Variants in PCDHGA11 observed in about 807,000 individuals in gnomAD.
PCDHGA11 encodes the protein protocadherin gamma subfamily A, 11.
In PCDHGA11, 39 loss-of-function variants were observed where a neutral mutation model predicts 60.4. That is an observed-to-expected ratio of 0.65 (90% CI 0.50 to 0.84). The LOEUF (loss-of-function observed/expected upper bound fraction) is 0.84, where lower values mean the gene tolerates loss of function less well. Among genes scored for constraint, PCDHGA11 ranks in the 40% least tolerant of loss-of-function variants. PCDHGA11 has a pLI of 0.00. For synonymous variants in PCDHGA11, 533 were observed against 510.3 expected, an observed-to-expected ratio of 1.04 and a Z score of -0.60; for missense variants, 1,165 against 1,197.7, an observed-to-expected ratio of 0.97 and a Z score of 0.40.
intron 2 of PCDHGA11, among the ~76,000 whole-genome samples, chr5:141,498,956 A>G (rs547381859): frequency 2.4e-5 from 3 of 124,058 alleles, no homozygotes; most frequent in African/African-American, 6.3e-5. Context: ...AAAAAGAGAG[A>G]GAGGGAGGGA....
At chr5:141,509,275 G>A (rs185255724) in intron 3 of PCDHGA11, among the ~76,000 whole-genome samples, 1 of 152,096 alleles carries the variant, frequency 6.6e-6, no homozygotes, top group East Asian at 1.9e-4. Flanking sequence ...CTCGCTACCC[G>A]CTCCCAGGGT....
rs1482322150 is a variant in PCDHGA11, at chr5:141,485,119, C to T, written c.2434-9688C>T. On this transcript the variant is annotated intron_variant, in intron 1 of 3. Transcript: ENST00000398587. This position sits in a 1 kb window ranked among gnomAD's most constrained non-coding sequence, Gnocchi z 5.7. ...CTCCAGCTGCTGTGGCTGTTTGGGGCGGGTCGGCTTCATCCGCGTCTCAGG... is the reference window on the plus strand; with the variant it reads ...CTCCAGCTGCTGTGGCTGTTTGGGGTGGGTCGGCTTCATCCGCGTCTCAGG... 9.8e-6 allele frequency: 13 copies of T among 1,328,806 alleles called. No individual in the cohort carries two copies. The East Asian group carries it at 1.8e-4, about 19-fold the overall frequency. 82.3% of individuals were successfully genotyped at this position (1,328,806 alleles called of 1,614,324 possible). A position where few individuals can be genotyped will look rare whatever the true frequency, so the allele number is the denominator to read the frequency against.
chr5:141,437,820 C>T (rs973577605), intron 1 of PCDHGA11, among the ~76,000 whole-genome samples: 4 of 151,904 alleles, frequency 2.6e-5, no homozygotes, highest in Non-Finnish European at 5.9e-5. Flanking sequence ...TCACTGCAAC[C>T]TCTGCCTCCT....
Position 141,486,785 on chromosome 5 carries a change from C to G in PCDHGA11, c.2434-8022C>G, listed in dbSNP as rs763174232. The G allele has an allele frequency of 2.8e-5, 45 of 1,614,102 alleles. No homozygotes were observed. The highest frequency in any genetic ancestry group is 3.6e-5 in the Non-Finnish European group (42 of 1,180,050). On this transcript the variant is annotated intron_variant, in intron 1 of 3. Coordinates refer to ENST00000398587, the MANE Select transcript of PCDHGA11 (RefSeq NM_018914.3). The surrounding 1 kb of genome is among the most constrained non-coding windows in gnomAD (Gnocchi z 5.0). ...GACACTGCAGTTTGAGGTGCAGGCC[C>G]GGGATCGGGGCAACCCACCCCTTAG... is the stretch of plus-strand genomic sequence containing the variant.
rs781367282 is a variant in PCDHGA11 at position 141,485,525 on chromosome 5, C to G, written c.2434-9282C>G. On this transcript the variant is annotated intron_variant, in intron 1 of 3. Transcript: ENST00000398587. This position sits in a 1 kb window ranked among gnomAD's most constrained non-coding sequence, Gnocchi z 5.7. ...CACCGAAGGTCCTTTGGAAATGTAC[C>G]GAGCAGAGGTAGAGATCGTAGATGT... is the stretch of plus-strand genomic sequence containing the variant. 5 of 1,614,122 alleles carry G rather than the reference C, an allele frequency of 3.1e-6. No homozygotes were observed. The highest frequency in any genetic ancestry group is 2.5e-6 in the Non-Finnish European group (3 of 1,180,022).
chr5:141,486,444 T>G lies in PCDHGA11; in HGVS notation c.2434-8363T>G. 1 of 1,614,086 alleles carries G rather than the reference T, an allele frequency of 6.2e-7. No homozygotes were observed. Among genetic ancestry groups the G allele is most frequent in the Non-Finnish European group, 8.5e-7 (1 of 1,179,930 alleles). ...GAGGCCAAATCTAGCTATGACATCA[T>G]GGTCACTGCTTCTGATGCTGGGAAC... On this transcript the variant is annotated intron_variant, in intron 1 of 3. Coordinates refer to ENST00000398587, the MANE Select transcript of PCDHGA11 (RefSeq NM_018914.3). The surrounding 1 kb of genome is among the most constrained non-coding windows in gnomAD (Gnocchi z 5.0).
chr5:141,490,942 C>A lies in PCDHGA11; in HGVS notation c.2434-3865C>A, dbSNP rs371286343. On this transcript the variant is annotated intron_variant, in intron 1 of 3. Coordinates refer to ENST00000398587, the MANE Select transcript of PCDHGA11 (RefSeq NM_018914.3). This position sits in a 1 kb window ranked among gnomAD's most constrained non-coding sequence, Gnocchi z 5.4. ...TAATGCCCCAGCTGTGCTGCACCCA[C>A]GGCCAGACTGGGAACACTCAGCCCC... The A allele has an allele frequency of 3.0e-5, 49 of 1,613,526 alleles. No individual in the cohort carries two copies. The highest frequency in any genetic ancestry group is 4.1e-5 in the Non-Finnish European group (48 of 1,179,768).
chr5:141,479,269 A>C (rs1279389471), intron 1 of PCDHGA11: 1 of 152,374 alleles, frequency 6.6e-6, no homozygotes, highest in Non-Finnish European at 1.5e-5. Context: ...TAAAAGTAAT[A>C]ATTTATTTCA....
chr5:141,497,829 C>T (rs754594104), intron 2 of PCDHGA11, among the ~76,000 whole-genome samples: 147 of 152,160 alleles, frequency 9.7e-4, no homozygotes, highest in Non-Finnish European at 1.8e-3. Flanking sequence ...TGTGATCGCC[C>T]CCGGCCACAA....
intron 1 of PCDHGA11, chr5:141,430,781 C>A: frequency 6.6e-7 from 1 of 1,510,922 alleles, no homozygotes; most frequent in Non-Finnish European, 8.8e-7. Context: ...GCGACTGCAC[C>A]GGGACTACAA....
intron 2 of PCDHGA11, among the ~76,000 whole-genome samples, chr5:141,495,811 G>A (rs1164360438): frequency 1.3e-5 from 2 of 151,710 alleles, no homozygotes; most frequent in Admixed American, 1.3e-4. Flanking sequence ...GTTTCCTAGC[G>A]CCTTGTGTTC....
chr5:141,453,288 A>G (rs931678565), intron 1 of PCDHGA11, among the ~76,000 whole-genome samples: 1 of 151,342 alleles, frequency 6.6e-6, no homozygotes, highest in Non-Finnish European at 1.5e-5. Context: ...TAATTTTTTA[A>G]TTATTTATTT....
chr5:141,494,251 G>C (rs961451413), intron 1 of PCDHGA11, among the ~76,000 whole-genome samples: 2 of 152,214 alleles, frequency 1.3e-5, no homozygotes, highest in African/African-American at 4.8e-5. Context: ...TTAGCTGTGG[G>C]AAGAGATTCT....
rs1214853229 is a variant in PCDHGA11 at position 141,432,238 on chromosome 5, GAA to G, written c.2433+8579_2433+8580del. ...CCCAGATCACTTATTCCCTGGCTGA[GAA>G]CACCATCCAAGGGGCAAGCCTATCG... On this transcript the variant is annotated intron_variant, in intron 1 of 3. Coordinates refer to ENST00000398587, the MANE Select transcript of PCDHGA11 (RefSeq NM_018914.3). The surrounding 1 kb of genome is among the most constrained non-coding windows in gnomAD (Gnocchi z 6.0). 1 of 1,614,216 alleles carries G rather than the reference GAA, an allele frequency of 6.2e-7. No homozygotes were observed. The highest frequency in any genetic ancestry group is 2.2e-5 in the East Asian group (1 of 44,882).
rs62379205 is a variant in PCDHGA11, at chr5:141,491,971, T to G, written c.2434-2836T>G. On this transcript the variant is annotated intron_variant, in intron 1 of 3. Coordinates refer to ENST00000398587, the MANE Select transcript of PCDHGA11 (RefSeq NM_018914.3). This position sits in a 1 kb window ranked among gnomAD's most constrained non-coding sequence, Gnocchi z 6.9. ...CCTACACTCAAAAAAGGCCGGGGCC[T>G]CCTTCGAGCTTCCGGTGAATTTCGG... The G allele has an allele frequency of 3.6e-6, 3 of 831,948 alleles. No homozygotes were observed. Among genetic ancestry groups the G allele is most frequent in the Admixed American group, 3.7e-5 (1 of 26,692 alleles). The allele number at this position is 831,948 out of a possible 1,614,324, so 51.5% of individuals were successfully genotyped here.
At chr5:141,459,075 G>T (rs562572838) in intron 1 of PCDHGA11, among the ~76,000 whole-genome samples, 1 of 152,134 alleles carries the variant, frequency 6.6e-6, no homozygotes, top group Non-Finnish European at 1.5e-5. Context: ...CATAAAATTT[G>T]CCTTTTAAAA....
chr5:141,430,657 A>G (rs2097300740), intron 1 of PCDHGA11: 1 of 1,093,240 alleles, frequency 9.1e-7, no homozygotes, highest in African/African-American at 1.6e-5. Flanking sequence ...GAAACAACGG[A>G]GGAGCTCTGA....
At chr5:141,469,885 C>A (rs1464434089) in intron 1 of PCDHGA11, among the ~76,000 whole-genome samples, 3 of 152,204 alleles carry the variant, frequency 2.0e-5, no homozygotes, top group African/African-American at 4.8e-5. Context: ...AATCTCGGCA[C>A]TTTGGGAAGC....
chr5:141,507,101 T>C (rs1341285140), intron 3 of PCDHGA11: 2 of 152,204 alleles, frequency 1.3e-5, no homozygotes, highest in African/African-American at 2.4e-5. Flanking sequence ...CTTTCTACTA[T>C]AGGGACCATG....
Sources: allele counts gnomAD v4.1 joint callset (sites outside exome capture counted in the v4.1 genomes callset), GRCh38; gene constraint gnomAD v4.1.1; non-coding constraint Gnocchi (gnomAD v3.1); transcripts MANE v1.5; gene names NCBI Gene and HGNC (gene_info 2026-07-23, HGNC 2026-07-21).